SGCD: variants seen among roughly 807,000 people sequenced by gnomAD.
The protein encoded by SGCD is sarcoglycan delta.
In SGCD, 18 loss-of-function variants were observed where a neutral mutation model predicts 36.6. The observed-to-expected ratio is 0.49, with a 90% CI of 0.34 to 0.73. The LOEUF is 0.73. Among genes scored for constraint, SGCD ranks in the 30% least tolerant of loss-of-function variants. The pLI, the probability that SGCD is intolerant of heterozygous loss-of-function variation, is 0.01. For synonymous variants in SGCD, 133 were observed against 130.6 expected (o/e 1.02, Z -0.12); for missense variants, 387 against 346.7 (o/e 1.12, Z -0.92).
At chr5:155,986,980 A>C (rs1213361949) in intron 1 of SGCD, among the ~76,000 whole-genome samples, 1 of 152,166 alleles carries the variant, frequency 6.6e-6, no homozygotes, top group Non-Finnish European at 1.5e-5. Flanking sequence ...GCTGGAAATC[A>C]TATTTCTCAC....
At chr5:156,610,370 C>T (rs1026926323) in intron 6 of SGCD, among the ~76,000 whole-genome samples, 7 of 152,168 alleles carry the variant, frequency 4.6e-5, no homozygotes, top group Admixed American at 3.3e-4. Flanking sequence ...TATTGGTGAA[C>T]AGCAAGTGTT....
chr5:156,249,724 A>AT (rs1347289750), intron 3 of SGCD, among the ~76,000 whole-genome samples: 6 of 152,094 alleles, frequency 3.9e-5, no homozygotes, highest in Non-Finnish European at 8.8e-5. Context: ...TTGTAAAAAA[A>AT]AAAAAAAGTG....
chr5:155,790,550 A>G, the SGCD span, among the ~76,000 whole-genome samples: 10 of 152,180 alleles, frequency 6.6e-5, no homozygotes, highest in Middle Eastern at 0.01. Flanking sequence ...ATATTTTAGT[A>G]AAAATATCAG....
At chr5:156,036,870 G>A (rs970181232) in intron 1 of SGCD, among the ~76,000 whole-genome samples, 10 of 152,090 alleles carry the variant, frequency 6.6e-5, no homozygotes, top group Admixed American at 6.5e-5. Context: ...GCAGTTATTT[G>A]TTTAATAAAT....
At chr5:156,428,297 C>G (rs765267376) in intron 3 of SGCD, among the ~76,000 whole-genome samples, 1 of 152,056 alleles carries the variant, frequency 6.6e-6, no homozygotes, top group Non-Finnish European at 1.5e-5. Flanking sequence ...ATTTATCCAT[C>G]TCCTCTAGTG....
chr5:156,305,061 G>A (rs1767167301), intron 3 of SGCD, among the ~76,000 whole-genome samples: 1 of 152,190 alleles, frequency 6.6e-6, no homozygotes, highest in South Asian at 2.1e-4. Context: ...AAAATTTGCA[G>A]CCTGACAATG....
chr5:155,839,799 A>G, the SGCD span, among the ~76,000 whole-genome samples: 2 of 152,176 alleles, frequency 1.3e-5, no homozygotes, highest in Non-Finnish European at 2.9e-5. Context: ...GACTATTCCA[A>G]TAGACTTGAA....
chr5:156,087,467 C>G (rs958639342), intron 1 of SGCD, among the ~76,000 whole-genome samples: 2 of 151,786 alleles, frequency 1.3e-5, no homozygotes, highest in Non-Finnish European at 2.9e-5. Context: ...GGTGAAATCC[C>G]ATATCTGCTA....
intron 3 of SGCD, among the ~76,000 whole-genome samples, chr5:156,192,028 T>C (rs182878057): frequency 8.0e-4 from 122 of 152,340 alleles, no homozygotes; most frequent in African/African-American, 2.7e-3. Context: ...GAAGAAACTT[T>C]GGAATGATCC....
chr5:155,916,577 C>A (rs1219397949), intron 1 of SGCD, among the ~76,000 whole-genome samples: 2 of 152,104 alleles, frequency 1.3e-5, no homozygotes, highest in Admixed American at 6.6e-5. Context: ...TCTGTATTGA[C>A]CTTCATTTTT....
chr5:156,279,618 T>A (rs981054748), intron 3 of SGCD, among the ~76,000 whole-genome samples: 1 of 152,172 alleles, frequency 6.6e-6, no homozygotes, highest in African/African-American at 2.4e-5. Flanking sequence ...TTCCTCTTTT[T>A]TGGGGGAACA....
the SGCD span, among the ~76,000 whole-genome samples, chr5:155,764,494 G>A: frequency 2.6e-5 from 4 of 152,162 alleles, no homozygotes; most frequent in Non-Finnish European, 5.9e-5. Flanking sequence ...CTCTGCATTT[G>A]TTCATTCTGG....
At chr5:156,689,490 A>T (rs894673533) in intron 7 of SGCD, among the ~76,000 whole-genome samples, 2 of 152,208 alleles carry the variant, frequency 1.3e-5, no homozygotes, top group African/African-American at 4.8e-5. Context: ...TGGATGAGGC[A>T]AAGGAGATCA....
At chr5:156,630,963 G>T (rs913647171) in intron 6 of SGCD, among the ~76,000 whole-genome samples, 1 of 152,124 alleles carries the variant, frequency 6.6e-6, no homozygotes, top group Non-Finnish European at 1.5e-5. Flanking sequence ...CAAAAGGAGG[G>T]CTAAATAAAC....
At chr5:156,509,437 A>C (rs1419964707) in intron 4 of SGCD, among the ~76,000 whole-genome samples, 1 of 152,302 alleles carries the variant, frequency 6.6e-6, no homozygotes, top group South Asian at 2.1e-4. Flanking sequence ...AAAAAAAATT[A>C]ATTCAATATC....
In SGCD at chr5:156,080,331, G is replaced by A. The variant is rs564904331; in HGVS notation, c.-281-37547G>A. 2.6e-5 allele frequency among the ~76,000 whole-genome samples: 4 copies of A among 152,254 alleles called. No individual in the cohort carries two copies. The East Asian group carries it at 7.7e-4, about 29-fold the overall frequency. On this transcript the variant is annotated intron_variant, in intron 1 of 9. Transcript: ENST00000517913. Reference sequence around the variant, plus strand: ...GGAAGATCTGTGAAGTGCCTTCTAGGCCTTTTTCCCATTGTCTTGGCTAAT... The same window carrying A: ...GGAAGATCTGTGAAGTGCCTTCTAGACCTTTTTCCCATTGTCTTGGCTAAT...
At chr5:155,817,675 A>G in the SGCD span, among the ~76,000 whole-genome samples, 1 of 152,168 alleles carries the variant, frequency 6.6e-6, no homozygotes, top group South Asian at 2.1e-4. Context: ...ACCAATGGAA[A>G]ATATTCACTC....
At chr5:156,285,764 G>A (rs1292836084) in intron 3 of SGCD, among the ~76,000 whole-genome samples, 1 of 152,108 alleles carries the variant, frequency 6.6e-6, no homozygotes, top group Non-Finnish European at 1.5e-5. Flanking sequence ...ATAGGCATGG[G>A]CAAGGACTTC....
chr5:155,835,016 T>TTAA, the SGCD span, among the ~76,000 whole-genome samples: 1 of 131,330 alleles, frequency 7.6e-6, no homozygotes, highest in East Asian at 2.4e-4. Context: ...TTTTTTTTTT[T>TTAA]TTTTTTTTTG....
Sources: gnomAD v4.1 joint callset for allele counts (sites outside exome capture counted in the v4.1 genomes callset) on GRCh38, gnomAD v4.1.1 for gene constraint, MANE v1.5 for transcripts, NCBI Gene and HGNC (gene_info 2026-07-23, HGNC 2026-07-21) for gene names.